Variants in ENOX1 observed in about 807,000 individuals in gnomAD.
ENOX1 encodes candidate growth-related and time keeping constitutive hydroquinone (NADH) oxidase.
Under a neutral mutation model 82.5 loss-of-function variants are expected in ENOX1, and 42 were observed. The observed-to-expected ratio is 0.51, with a 90% CI of 0.40 to 0.66. The LOEUF (loss-of-function observed/expected upper bound fraction) is 0.66. Among genes scored for constraint, ENOX1 ranks in the 30% least tolerant of loss-of-function variants. The pLI is 0.00. For synonymous variants in ENOX1, 271 were observed against 282.2 expected (o/e 0.96, Z 0.40); for missense variants, 608 against 811.6 (o/e 0.75, Z 3.05).
intron 1 of ENOX1, among the ~76,000 whole-genome samples, chr13:43,670,025 T>C (rs2085180473): frequency 6.6e-6 from 1 of 152,156 alleles, no homozygotes; most frequent in East Asian, 1.9e-4. Context: ...TTCCTCTTTC[T>C]GCATATCCCC....
At chr13:43,454,388 A>G (rs1157619186) in intron 3 of ENOX1, among the ~76,000 whole-genome samples, 2 of 152,116 alleles carry the variant, frequency 1.3e-5, no homozygotes, top group South Asian at 2.1e-4. Context: ...CCAGCGCAGG[A>G]AAACTAGCAC....
chr13:43,471,809 CA>C (rs5803181), intron 3 of ENOX1, among the ~76,000 whole-genome samples: 16,703 of 122,240 alleles, frequency 0.14, 538 homozygotes, highest in East Asian at 0.3. Flanking sequence ...GACTCCGTCT[CA>C]AAAAAAAAAA....
At chr13:43,741,986 T>G (rs1594647787) in intron 1 of ENOX1, among the ~76,000 whole-genome samples, 1 of 152,218 alleles carries the variant, frequency 6.6e-6, no homozygotes, top group East Asian at 1.9e-4. Context: ...CACCATTTGT[T>G]GAAAAGATTA....
Position 43,322,398 on chromosome 13 carries a change from C to T in ENOX1, c.1247G>A (p.Arg416Lys), listed in dbSNP as rs2047861854. 1 of 1,613,784 alleles carries T rather than the reference C, an allele frequency of 6.2e-7. No homozygotes were observed. The highest frequency in any genetic ancestry group is 1.1e-5 in the South Asian group (1 of 91,014). Residue 416 changes from arginine (R) to lysine (K), a missense_variant, in exon 11 of 17, where the codon AGA becomes AAA. Transcript: ENST00000690772. ...ATCGGCATTACCTGATTCATCGACT[C>T]TCATTTTCTTTGTAGGGCTGTCACA... ...ENCDSPTKKM[R>K]VDESALAAQA...
At chr13:43,404,943 A>G (rs1214396889) in intron 5 of ENOX1, among the ~76,000 whole-genome samples, 1 of 152,234 alleles carries the variant, frequency 6.6e-6, no homozygotes, top group Non-Finnish European at 1.5e-5. Flanking sequence ...GAGAACTCTG[A>G]GCATCATCCT....
intron 2 of ENOX1, among the ~76,000 whole-genome samples, chr13:43,561,295 G>T (rs1403584009): frequency 2.6e-5 from 4 of 152,120 alleles, no homozygotes; most frequent in African/African-American, 9.7e-5. Context: ...AGCCGACAAA[G>T]CTCCCTGTAC....
At chr13:43,279,222 A>G (rs986578732) in intron 12 of ENOX1, among the ~76,000 whole-genome samples, 11 of 152,302 alleles carry the variant, frequency 7.2e-5, no homozygotes, top group East Asian at 3.9e-4. Flanking sequence ...ATGATATACT[A>G]TATCCCAATA....
At chr13:43,267,718 C>G (rs961451987) in intron 13 of ENOX1, among the ~76,000 whole-genome samples, 1 of 152,164 alleles carries the variant, frequency 6.6e-6, no homozygotes, top group African/African-American at 2.4e-5. Flanking sequence ...CCTGCATGGC[C>G]CCTTTTGCAA....
At chr13:43,268,307 T>G (rs1324108023) in intron 13 of ENOX1, among the ~76,000 whole-genome samples, 1 of 152,186 alleles carries the variant, frequency 6.6e-6, no homozygotes, top group Non-Finnish European at 1.5e-5. Flanking sequence ...AGCACAGTGA[T>G]TTCAGGTCTC....
At chr13:43,360,141 G>A in intron 6 of ENOX1, 84 bp from the exon 7 acceptor site, 1 of 1,265,352 alleles carries the variant, frequency 7.9e-7, no homozygotes, top group Non-Finnish European at 1.1e-6. Context: ...AGCTTGCAGA[G>A]TAACTTTCTC....
chr13:43,603,215 C>T (rs1334983825), intron 2 of ENOX1, among the ~76,000 whole-genome samples: 4 of 151,854 alleles, frequency 2.6e-5, no homozygotes, highest in Non-Finnish European at 5.9e-5. Flanking sequence ...ACATGCCATG[C>T]TCTTTCAATA....
chr13:43,215,992 C>G (rs1021679978), intron 16 of ENOX1, among the ~76,000 whole-genome samples: 1 of 152,066 alleles, frequency 6.6e-6, no homozygotes, highest in Non-Finnish European at 1.5e-5. Flanking sequence ...GTCAGGAGAT[C>G]GAGGCCATCT....
intron 5 of ENOX1, among the ~76,000 whole-genome samples, chr13:43,378,641 TCATAAC>T (rs2051812554): frequency 6.6e-6 from 1 of 152,158 alleles, no homozygotes; most frequent in Non-Finnish European, 1.5e-5. Flanking sequence ...CTGTGATCTC[TCATAAC>T]AAAACTTAAA....
At chr13:43,640,792 AGT>A (rs1404519285) in intron 2 of ENOX1, among the ~76,000 whole-genome samples, 1 of 152,172 alleles carries the variant, frequency 6.6e-6, no homozygotes, top group Non-Finnish European at 1.5e-5. Flanking sequence ...GACTGAAGAA[AGT>A]GAGATATTTT....
intron 2 of ENOX1, among the ~76,000 whole-genome samples, chr13:43,648,636 ATACCTG>A (rs1261260881): frequency 3.9e-5 from 6 of 152,164 alleles, no homozygotes; most frequent in Non-Finnish European, 8.8e-5. Flanking sequence ...AAGAGGTGAA[ATACCTG>A]TTTTTGAGAA....
chr13:43,689,243 G>A (rs2153802554), intron 1 of ENOX1, among the ~76,000 whole-genome samples: 1 of 152,266 alleles, frequency 6.6e-6, no homozygotes. Flanking sequence ...AATACATAGA[G>A]AGGTCAAGAA....
At chr13:43,478,827 G>A (rs2058394846) in intron 3 of ENOX1, among the ~76,000 whole-genome samples, 2 of 152,100 alleles carry the variant, frequency 1.3e-5, no homozygotes, top group South Asian at 4.1e-4. Flanking sequence ...GTGTACTGGG[G>A]AATTCAATGA....
chr13:43,733,020 G>C (rs2089431062), intron 1 of ENOX1, among the ~76,000 whole-genome samples: 1 of 152,134 alleles, frequency 6.6e-6, no homozygotes, highest in Admixed American at 6.5e-5. Context: ...TCAGTTGCAA[G>C]ACAGATCTCG....
chr13:43,693,332 A>C (rs1222719182), intron 1 of ENOX1, among the ~76,000 whole-genome samples: 1 of 152,210 alleles, frequency 6.6e-6, no homozygotes, highest in African/African-American at 2.4e-5. Flanking sequence ...GTTTGTGTGA[A>C]TGGATAGAGA....
Sources: gnomAD v4.1 joint callset for allele counts (sites outside exome capture counted in the v4.1 genomes callset) on GRCh38, gnomAD v4.1.1 for gene constraint, MANE v1.5 for transcripts, NCBI Gene and HGNC (gene_info 2026-07-23, HGNC 2026-07-21) for gene names.